The following HOXA3 variants were observed in gnomAD, a reference collection of about 807,000 sequenced individuals.
HOXA3 encodes the protein homeobox A3.
A neutral mutation model predicts 30.3 loss-of-function variants in HOXA3; 8 were observed. The ratio of observed to expected loss-of-function variants is 0.26; its 90% CI spans 0.15 to 0.48. The LOEUF (loss-of-function observed/expected upper bound fraction) is 0.48, where lower values mean the gene tolerates loss of function less well. HOXA3 is among the 20% of genes least tolerant of loss of function. HOXA3 has a pLI of 0.99. For missense variants in HOXA3, 653 were observed against 614.4 expected, an observed-to-expected ratio of 1.06 and a Z score of -0.66; for synonymous variants, 323 against 273.1, an observed-to-expected ratio of 1.18 and a Z score of -1.80.
In HOXA3 at chr7:27,147,971, CCCGCCCGCCCG is replaced by C. The variant is rs941615475; in HGVS notation, c.-494+4306_-494+4316del. 1.2e-4 allele frequency among the ~76,000 whole-genome samples: 18 copies of C among 152,318 alleles called. 1 individual carries two copies. Among genetic ancestry groups the C allele is most frequent in the Non-Finnish European group, 1.6e-4 (11 of 68,014 alleles). ...CAGCAAAGTTACAAACAGCCCCCAG[CCCGCCCGCCCG>C]CCGCCCGCCCGGCAGATTAATGGGC... On this transcript the variant is annotated intron_variant, in intron 1 of 5. Coordinates refer to ENST00000612286, the MANE Select transcript of HOXA3 (RefSeq NM_153631.3).
Position 27,110,371 on chromosome 7 carries a change from C to A in HOXA3, c.270G>T (p.Leu90=). 1.3e-6 allele frequency: 2 copies of A among 1,514,442 alleles called. No individual in the cohort carries two copies. Among genetic ancestry groups the A allele is most frequent in the South Asian group, 2.5e-5 (2 of 78,534 alleles). 93.8% of individuals were successfully genotyped at this position (1,514,442 alleles called of 1,614,324 possible). ...SQPPSLGEPP[L]HPPPPQAAPP... ...GCGCGGCCTGGGGCGGCGGCGGGTG[C>A]AGGGGCGGCTCTCCCAGGCTTGGAG... Residue 90 remains leucine (L), a synonymous_variant, in exon 5 of 6, where the codon CTG becomes CTT. Coordinates refer to ENST00000612286, the MANE Select transcript of HOXA3 (RefSeq NM_153631.3).
At chr7:27,114,835 T>TTATATATATTATATATATTA (rs1784600892) in intron 4 of HOXA3, among the ~76,000 whole-genome samples, 1 of 93,482 alleles carries the variant, frequency 1.1e-5, no homozygotes, top group Non-Finnish European at 2.1e-5. Flanking sequence ...ATAATATATA[T>TTATATATATTATATATATTA]TATATATATA....
At chr7:27,150,180 G>T (rs80214081) in intron 1 of HOXA3, 1 of 118,486 alleles carries the variant, frequency 8.4e-6, no homozygotes, top group African/African-American at 3.4e-5. Flanking sequence ...TCTCTCTCTA[G>T]AGAGAGAGGG....
In HOXA3 at chr7:27,145,787, C is replaced by T. The variant is rs1300555662; in HGVS notation, c.-493-5601G>A. 3.1e-6 allele frequency: 5 copies of T among 1,614,124 alleles called. No homozygotes were observed. In the African/African-American group the frequency reaches 4.0e-5, roughly 13 times the overall value. On this transcript the variant is annotated intron_variant, in intron 1 of 5. Transcript: ENST00000612286. Reference sequence around the variant, plus strand: ...TGATCTGGCGCTCGGTGAGGCAGAGCGCGTTGGCGATCTCGATGCGGCGGC... The same window carrying T: ...TGATCTGGCGCTCGGTGAGGCAGAGTGCGTTGGCGATCTCGATGCGGCGGC...
chr7:27,142,000 G>A, intron 1 of HOXA3: 1 of 1,614,240 alleles, frequency 6.2e-7, no homozygotes, highest in Admixed American at 1.7e-5. Flanking sequence ...GGTAACGGTT[G>A]AAGTGGAACT....
chr7:27,108,440 C>A lies in HOXA3; in HGVS notation c.807G>T (p.Val269=). ...SGGQSPSRSP[V]PPGAGGYLNS... ...TCAGATAGCCACCGGCTCCGGGGGG[C>A]ACGGGGCTGCGACTTGGAGACTGGC... The change falls in exon 6 of 6, where the codon GTG becomes GTT. Residue 269 remains valine (V), a synonymous_variant. Coordinates refer to ENST00000612286, the MANE Select transcript of HOXA3 (RefSeq NM_153631.3). This position sits in a 1 kb window ranked among gnomAD's most constrained non-coding sequence, Gnocchi z 5.0. 1 of 1,613,904 alleles carries A rather than the reference C, an allele frequency of 6.2e-7. No individual in the cohort carries two copies. Among genetic ancestry groups the A allele is most frequent in the Non-Finnish European group, 8.5e-7 (1 of 1,179,926 alleles).
chr7:27,120,742 T>A (rs1253453456), intron 4 of HOXA3, among the ~76,000 whole-genome samples: 1 of 152,110 alleles, frequency 6.6e-6, no homozygotes, highest in Non-Finnish European at 1.5e-5. Flanking sequence ...TTTGGTGGGA[T>A]GAGAAGGGAA....
At chr7:27,139,697 C>T (rs918969380) in intron 2 of HOXA3, among the ~76,000 whole-genome samples, 4 of 152,158 alleles carry the variant, frequency 2.6e-5, no homozygotes, top group African/African-American at 9.7e-5. Flanking sequence ...GCTCCGCGAC[C>T]CCCAGGAGCT....
At chr7:27,121,831 T>G (rs1288546533) in intron 4 of HOXA3, 1 of 152,656 alleles carries the variant, frequency 6.6e-6, no homozygotes, top group Non-Finnish European at 1.5e-5. Context: ...TAAACCACAG[T>G]AATTACCTCC....
chr7:27,108,816 AG>A lies in HOXA3; in HGVS notation c.527-97del. The A allele has an allele frequency of 1.1e-6, 1 of 884,886 alleles. No homozygotes were observed. Among genetic ancestry groups the A allele is most frequent in the Non-Finnish European group, 1.7e-6 (1 of 589,234 alleles). The allele number at this position is 884,886 out of a possible 1,614,324, so 54.8% of individuals were successfully genotyped here. ...GGCCCCTCCTTCCACCAGGCCCCAAAGGTTCCTGCATCCGTCAGGTCCCAGA... is the reference window on the plus strand; with the variant it reads ...GGCCCCTCCTTCCACCAGGCCCCAAAGTTCCTGCATCCGTCAGGTCCCAGA... On this transcript the variant is annotated intron_variant, in intron 5 of 5. Transcript: ENST00000612286. The surrounding 1 kb of genome is among the most constrained non-coding windows in gnomAD (Gnocchi z 5.0).
Position 27,110,681 on chromosome 7 carries a change from T to C in HOXA3, c.-41A>G, listed in dbSNP as rs921610956. ...TCTTGATCGCACACTCTGACAGGGG[T>C]TTGACACCCGTGAGGGCGCACATTG... On this transcript the variant is annotated 5_prime_UTR_variant, in exon 5 of 6. Coordinates refer to ENST00000612286, the MANE Select transcript of HOXA3 (RefSeq NM_153631.3). 6.3e-7 allele frequency: 1 copy of C among 1,588,906 alleles called. No homozygotes were observed. Among genetic ancestry groups the C allele is most frequent in the African/African-American group, 1.3e-5 (1 of 74,616 alleles).
At chr7:27,146,003 A>G in intron 1 of HOXA3, 4 of 1,478,182 alleles carry the variant, frequency 2.7e-6, no homozygotes, top group Non-Finnish European at 3.6e-6. Flanking sequence ...AGAGGCACCC[A>G]GACTAGAAAC....
In HOXA3 at chr7:27,113,883, ACCCCTCCCCCACACCCCCG is replaced by A. The variant is rs1422890513; in HGVS notation, c.-120-3142_-120-3124del. On this transcript the variant is annotated intron_variant, in intron 4 of 5. Coordinates refer to ENST00000612286, the MANE Select transcript of HOXA3 (RefSeq NM_153631.3). This position sits in a 1 kb window ranked among gnomAD's most constrained non-coding sequence, Gnocchi z 4.8. ...CCCCTCCCACCCACCCCACCCACCCACCCCTCCCCCACACCCCCGCCCCCTGCCCTTCCCGAGGGCAGCA... is the reference window on the plus strand; with the variant it reads ...CCCCTCCCACCCACCCCACCCACCCACCCCCTGCCCTTCCCGAGGGCAGCA... 1 of 36,768 alleles carries A rather than the reference ACCCCTCCCCCACACCCCCG, an allele frequency of 2.7e-5. No individual in the cohort carries two copies. Among genetic ancestry groups the A allele is most frequent in the African/African-American group, 1.1e-4 (1 of 9,490 alleles). 2.3% of individuals were successfully genotyped at this position (36,768 alleles called of 1,614,324 possible).
At chr7:27,120,796 A>G (rs1338006045) in intron 4 of HOXA3, 1 of 152,252 alleles carries the variant, frequency 6.6e-6, no homozygotes, top group African/African-American at 2.4e-5. Context: ...AGGTTAAAAA[A>G]CAGCTTCTCT....
intron 1 of HOXA3, among the ~76,000 whole-genome samples, chr7:27,142,346 C>G (rs1583406584): frequency 6.6e-6 from 1 of 152,342 alleles, no homozygotes; most frequent in East Asian, 1.9e-4. Flanking sequence ...CCCTCTCCTG[C>G]CCCCTCCGCC....
chr7:27,134,189 C>T (rs1317056565), intron 2 of HOXA3: 1 of 152,160 alleles, frequency 6.6e-6, no homozygotes, highest in African/African-American at 2.4e-5. Flanking sequence ...GCTTCCCCAC[C>T]ACCTACACTA....
chr7:27,108,085 G>C lies in HOXA3; in HGVS notation c.1162C>G (p.Leu388Val), dbSNP rs759888198. 6 of 1,612,874 alleles carry C rather than the reference G, an allele frequency of 3.7e-6. No homozygotes were observed. In the South Asian group the frequency reaches 6.6e-5, roughly 18 times the overall value. The change falls in exon 6 of 6, where the codon CTC becomes GTC. Residue 388 changes from leucine to valine, a missense_variant. Coordinates refer to ENST00000612286, the MANE Select transcript of HOXA3 (RefSeq NM_153631.3). The surrounding 1 kb of genome is among the most constrained non-coding windows in gnomAD (Gnocchi z 5.0). ...SGPALFGLTH[L>V]PHAASGAMDY... Reference sequence around the variant, plus strand: ...ATGGCGCCCGAGGCAGCGTGGGGGAGGTGAGTTAGACCAAAGAGGGCTGGC... The same window carrying C: ...ATGGCGCCCGAGGCAGCGTGGGGGACGTGAGTTAGACCAAAGAGGGCTGGC...
At chr7:27,143,246 G>T in intron 1 of HOXA3, 1 of 1,609,300 alleles carries the variant, frequency 6.2e-7, no homozygotes, top group Non-Finnish European at 8.5e-7. Context: ...GTTGCTTAGG[G>T]AGTTTTTCCC....
intron 2 of HOXA3, among the ~76,000 whole-genome samples, chr7:27,135,104 C>G (rs186992279): frequency 6.6e-6 from 1 of 151,916 alleles, no homozygotes; most frequent in African/African-American, 2.4e-5. Flanking sequence ...TGGTTCTAGT[C>G]GGCTTCCTTA....
Sources: gnomAD v4.1 joint callset for allele counts (sites outside exome capture counted in the v4.1 genomes callset) on GRCh38, gnomAD v4.1.1 for gene constraint, Gnocchi (gnomAD v3.1) non-coding constraint, MANE v1.5 for transcripts, NCBI Gene and HGNC (gene_info 2026-07-23, HGNC 2026-07-21) for gene names.